The following FAM133B variants were observed in gnomAD, a reference collection of about 807,000 sequenced individuals.
The protein encoded by FAM133B is family with sequence similarity 133 member B.
In FAM133B, 25 loss-of-function variants were observed where a neutral mutation model predicts 46.4. The observed-to-expected ratio is 0.54, with a 90% CI of 0.39 to 0.75. The LOEUF is 0.75. Ranked by LOEUF, FAM133B falls within the 30% of genes least tolerant of loss-of-function variation. FAM133B has a pLI of 0.00. For synonymous variants in FAM133B, 75 were observed against 86.0 expected (o/e 0.87, Z 0.71); for missense variants, 205 against 277.6 (o/e 0.74, Z 1.86).
In FAM133B at chr7:92,590,375, G is replaced by A; in HGVS notation, c.-84C>T. 1 of 1,592,962 alleles carries A rather than the reference G, an allele frequency of 6.3e-7. No homozygotes were observed. Among genetic ancestry groups the A allele is most frequent in the South Asian group, 1.1e-5 (1 of 89,414 alleles). ...AAGAGGGCCTGCCGCAGGTCCTCTT[G>A]CCGCCTCCCCACTCCGCCTAGAGAG... On this transcript the variant is annotated 5_prime_UTR_variant, in exon 1 of 11. Transcript: ENST00000445716.
intron 9 of FAM133B, among the ~76,000 whole-genome samples, chr7:92,568,992 G>A (rs74825298): frequency 6.6e-6 from 1 of 152,170 alleles, no homozygotes; most frequent in Non-Finnish European, 1.5e-5. Flanking sequence ...AAACAAAAAT[G>A]CAAGACTCAG....
chr7:92,578,970 C>T (rs1483562613), intron 3 of FAM133B, among the ~76,000 whole-genome samples: 3 of 152,072 alleles, frequency 2.0e-5, no homozygotes, highest in African/African-American at 7.2e-5. Context: ...GACTGCTCAA[C>T]CCTAACTTGG....
At chr7:92,589,413 G>A (rs1204972647) in intron 1 of FAM133B, among the ~76,000 whole-genome samples, 3 of 152,138 alleles carry the variant, frequency 2.0e-5, no homozygotes, top group African/African-American at 4.8e-5. Context: ...TACTCTTTCT[G>A]CTGTAAGTTA....
chr7:92,572,324 T>C (rs867181900), intron 8 of FAM133B, among the ~76,000 whole-genome samples: 23 of 152,222 alleles, frequency 1.5e-4, no homozygotes, highest in African/African-American at 4.8e-4. Context: ...CTAGCAAGAA[T>C]GCAAAATAAC....
chr7:92,574,990 G>T (rs992664835), intron 8 of FAM133B, among the ~76,000 whole-genome samples: 38 of 151,304 alleles, frequency 2.5e-4, no homozygotes, highest in African/African-American at 6.4e-4. Flanking sequence ...CCCTCTTTAG[G>T]TTTTTATTTT....
Position 92,579,143 on chromosome 7 carries a change from T to A in FAM133B, c.201+174A>T, listed in dbSNP as rs181231137. The A allele has an allele frequency of 9.4e-5, 55 of 583,764 alleles. No homozygotes were observed. The African/African-American group carries it at 1.0e-3, about 11-fold the overall frequency. 36.2% of individuals were successfully genotyped at this position (583,764 alleles called of 1,614,324 possible). A position where few individuals can be genotyped will look rare whatever the true frequency, so the allele number is the denominator to read the frequency against. On this transcript the variant is annotated intron_variant, in intron 3 of 10. Transcript: ENST00000445716. The stretch of plus-strand genomic sequence containing the variant: ...GAGCTATGCCCAAATACTTAAGGTA[T>A]TTTCTTTTTTTTAATGGAGACAAGG...
chr7:92,562,767 A>G (rs1794199357), intron 10 of FAM133B, among the ~76,000 whole-genome samples: 1 of 152,240 alleles, frequency 6.6e-6, no homozygotes, highest in African/African-American at 2.4e-5. Context: ...CAGACAGAAC[A>G]GAGATATTAA....
At chr7:92,577,942 C>T in intron 5 of FAM133B, 2 of 650,302 alleles carry the variant, frequency 3.1e-6, no homozygotes, top group Non-Finnish European at 5.3e-6. Context: ...TAAATAGCAA[C>T]AGAAAATGTA....
Position 92,568,052 on chromosome 7 carries a change from C to G in FAM133B, c.609+1771G>C, listed in dbSNP as rs1794416378. Among the ~76,000 whole-genome samples, 4 of 152,206 alleles carry G rather than the reference C, an allele frequency of 2.6e-5. No homozygotes were observed. In the South Asian group the frequency reaches 8.3e-4, roughly 32 times the overall value. On this transcript the variant is annotated intron_variant, in intron 9 of 10. Transcript: ENST00000445716. ...GTGCTGGGATACAGGCGTGAACCAC[C>G]ACACCTGGCCCAGAAACTAAATTTT...
intron 8 of FAM133B, among the ~76,000 whole-genome samples, chr7:92,573,156 T>C (rs956049688): frequency 3.0e-4 from 46 of 150,974 alleles, no homozygotes; most frequent in African/African-American, 1.1e-3. Flanking sequence ...AAATGATAGT[T>C]TGGGGACTTT....
intron 1 of FAM133B, among the ~76,000 whole-genome samples, chr7:92,587,338 C>A (rs137888293): frequency 9.9e-5 from 15 of 152,186 alleles, no homozygotes; most frequent in Non-Finnish European, 2.2e-4. Context: ...AGTGTTATGG[C>A]AAAACTATGG....
intron 1 of FAM133B, among the ~76,000 whole-genome samples, chr7:92,589,455 G>A (rs1294582131): frequency 1.3e-5 from 2 of 152,128 alleles, no homozygotes; most frequent in Non-Finnish European, 2.9e-5. Context: ...ATTCACTAGA[G>A]TAATAATTTT....
chr7:92,573,549 T>C (rs1433908920), intron 8 of FAM133B, among the ~76,000 whole-genome samples: 3 of 152,066 alleles, frequency 2.0e-5, no homozygotes, highest in Admixed American at 2.0e-4. Context: ...TTAATATTTG[T>C]TGATTACATG....
intron 8 of FAM133B, among the ~76,000 whole-genome samples, chr7:92,573,658 T>C (rs929087640): frequency 6.6e-6 from 1 of 152,046 alleles, no homozygotes; most frequent in East Asian, 1.9e-4. Flanking sequence ...ATTTCACACA[T>C]ACTTTTTTTT....
At chr7:92,569,798 A>T (rs1794474339) in intron 9 of FAM133B, 25 bp downstream of exon 9, 1 of 1,180,852 alleles carries the variant, frequency 8.5e-7, no homozygotes, top group Non-Finnish European at 1.1e-6. Flanking sequence ...TAAAATAGAG[A>T]AAATGGATTT....
intron 1 of FAM133B, chr7:92,590,025 G>A: frequency 1.7e-6 from 1 of 595,060 alleles, no homozygotes; most frequent in Non-Finnish European, 2.9e-6. Flanking sequence ...AACCAGCAGC[G>A]CCAGAAAGAG....
intron 10 of FAM133B, among the ~76,000 whole-genome samples, chr7:92,563,996 CTT>C (rs1794237568): frequency 1.3e-5 from 2 of 152,208 alleles, no homozygotes; most frequent in Admixed American, 6.5e-5. Flanking sequence ...TAGGTCACCT[CTT>C]TGTTTAAAAC....
rs1195201492 is a variant in FAM133B, at chr7:92,589,916, T to G, written c.24+352A>C. Reference sequence around the variant, plus strand: ...TCGGATGCGTCCAAGGGCCTAAGTCTTCGGAGTTACATGGCGGGGCCAGGT... The same window carrying G: ...TCGGATGCGTCCAAGGGCCTAAGTCGTCGGAGTTACATGGCGGGGCCAGGT... On this transcript the variant is annotated intron_variant, in intron 1 of 10. Transcript: ENST00000445716. The G allele has an allele frequency of 2.4e-4, 90 of 370,288 alleles. 1 individual carries two copies. The South Asian group carries it at 2.7e-3, about 11-fold the overall frequency. 22.9% of individuals were successfully genotyped at this position (370,288 alleles called of 1,614,324 possible).
At chr7:92,568,026 A>T (rs548389741) in intron 9 of FAM133B, among the ~76,000 whole-genome samples, 1 of 152,180 alleles carries the variant, frequency 6.6e-6, no homozygotes, top group South Asian at 2.1e-4. Context: ...GGCCTCCCAA[A>T]GTGCTGGGAT....
Sources: gnomAD v4.1 joint callset for allele counts (sites outside exome capture counted in the v4.1 genomes callset) on GRCh38, gnomAD v4.1.1 for gene constraint, MANE v1.5 for transcripts, NCBI Gene and HGNC (gene_info 2026-07-23, HGNC 2026-07-21) for gene names.